The following CTNNA2 variants were observed in gnomAD, a reference collection of about 807,000 sequenced individuals.
The protein encoded by CTNNA2 is catenin alpha 2, also known as catenin alpha-2.
In CTNNA2, 42 loss-of-function variants were observed where a neutral mutation model predicts 101.0. The ratio of observed to expected loss-of-function variants is 0.42; its 90% CI spans 0.32 to 0.54. The LOEUF is 0.54. Among genes scored for constraint, CTNNA2 ranks in the 20% least tolerant of loss-of-function variants. The pLI, the probability that CTNNA2 is intolerant of heterozygous loss-of-function variation, is 0.14. For missense variants in CTNNA2, 871 were observed against 1,223.1 expected (o/e 0.71, Z 4.29); for synonymous variants, 450 against 456.4 (o/e 0.99, Z 0.18).
chr2:80,097,645 A>G (rs1311950634), intron 7 of CTNNA2, among the ~76,000 whole-genome samples: 1 of 152,162 alleles, frequency 6.6e-6, no homozygotes, highest in Admixed American at 6.5e-5. Flanking sequence ...AGGTACACCA[A>G]TCAGATGTAG....
intron 9 of CTNNA2, among the ~76,000 whole-genome samples, chr2:80,432,278 G>A (rs752434890): frequency 2.0e-5 from 3 of 152,094 alleles, no homozygotes; most frequent in Non-Finnish European, 4.4e-5. Context: ...ACATACACAT[G>A]TTCTTTGATC....
intron 11 of CTNNA2, among the ~76,000 whole-genome samples, chr2:80,550,087 T>C (rs1692434468): frequency 6.6e-6 from 1 of 152,218 alleles, no homozygotes; most frequent in Non-Finnish European, 1.5e-5. Context: ...AACGTATTGC[T>C]GGTTCTGTTC....
At chr2:80,293,808 G>A (rs1171934356) in intron 7 of CTNNA2, among the ~76,000 whole-genome samples, 1 of 152,124 alleles carries the variant, frequency 6.6e-6, no homozygotes, top group Non-Finnish European at 1.5e-5. Context: ...GAATATTTTG[G>A]TGTTAGGGGT....
chr2:79,948,633 A>G (rs564569675), intron 7 of CTNNA2, among the ~76,000 whole-genome samples: 2 of 152,366 alleles, frequency 1.3e-5, no homozygotes, highest in Admixed American at 1.3e-4. Context: ...AGGACAGTCC[A>G]TGTCTATTCC....
At chr2:80,332,222 C>A (rs1671400470) in intron 7 of CTNNA2, among the ~76,000 whole-genome samples, 1 of 152,098 alleles carries the variant, frequency 6.6e-6, no homozygotes, top group Non-Finnish European at 1.5e-5. Context: ...TTTCTATGAC[C>A]AGTGTAGAGT....
chr2:80,322,606 C>T (rs560790960), intron 7 of CTNNA2, among the ~76,000 whole-genome samples: 9 of 151,634 alleles, frequency 5.9e-5, no homozygotes, highest in African/African-American at 2.2e-4. Flanking sequence ...AGCCTGGCCC[C>T]GGCGCAGATG....
chr2:79,950,277 T>C (rs1688791313), intron 7 of CTNNA2, among the ~76,000 whole-genome samples: 1 of 152,240 alleles, frequency 6.6e-6, no homozygotes, highest in Admixed American at 6.5e-5. Context: ...TCCCTTTCTG[T>C]AAATTTCATA....
At chr2:79,603,879 C>T (rs747688883) in intron 1 of CTNNA2, among the ~76,000 whole-genome samples, 5 of 152,120 alleles carry the variant, frequency 3.3e-5, no homozygotes, top group Non-Finnish European at 5.9e-5. Flanking sequence ...GGGAGCTGGG[C>T]TTTCTTACTC....
chr2:79,924,916 C>T (rs1028452732), intron 7 of CTNNA2, among the ~76,000 whole-genome samples: 28 of 152,050 alleles, frequency 1.8e-4, no homozygotes, highest in African/African-American at 6.5e-4. Flanking sequence ...CTATAGAAAT[C>T]GGGCATTTAT....
chr2:79,762,667 A>C (rs1266352692), intron 3 of CTNNA2, among the ~76,000 whole-genome samples: 1 of 152,176 alleles, frequency 6.6e-6, no homozygotes, highest in Non-Finnish European at 1.5e-5. Flanking sequence ...ATTCATGTTT[A>C]TATTTCATTT....
chr2:79,666,664 C>A (rs1349318451), intron 2 of CTNNA2, among the ~76,000 whole-genome samples: 1 of 152,126 alleles, frequency 6.6e-6, no homozygotes, highest in Non-Finnish European at 1.5e-5. Context: ...ACTTCAAATT[C>A]TTTTTGCATT....
Position 79,874,070 on chromosome 2 carries a change from A to C in CTNNA2, c.586-6A>C. 6.2e-7 allele frequency: 1 copy of C among 1,613,876 alleles called. No homozygotes were observed. The highest frequency in any genetic ancestry group is 8.5e-7 in the Non-Finnish European group (1 of 1,179,884). ...GTGTGACAGCTTTCATGTGTTACACACACAGGAGCTGAAGGATCCTCACTG... is the reference window on the plus strand; with the variant it reads ...GTGTGACAGCTTTCATGTGTTACACCCACAGGAGCTGAAGGATCCTCACTG... On this transcript the variant is annotated splice_region_variant and splice_polypyrimidine_tract_variant and intron_variant, in intron 5 of 18. Coordinates refer to ENST00000402739, the MANE Select transcript of CTNNA2 (RefSeq NM_001282597.3).
intron 7 of CTNNA2, among the ~76,000 whole-genome samples, chr2:80,015,011 C>G (rs1317226557): frequency 3.9e-5 from 6 of 152,136 alleles, no homozygotes; most frequent in African/African-American, 1.4e-4. Context: ...CCATCCTCAG[C>G]CAAACTGGAC....
At chr2:79,576,355 A>T (rs1055291612) in intron 1 of CTNNA2, among the ~76,000 whole-genome samples, 2 of 152,148 alleles carry the variant, frequency 1.3e-5, no homozygotes, top group Non-Finnish European at 1.5e-5. Flanking sequence ...TCTTGTTTTG[A>T]GTGGTAATTG....
At chr2:80,569,113 A>C (rs1002949009) in intron 12 of CTNNA2, among the ~76,000 whole-genome samples, 4 of 151,982 alleles carry the variant, frequency 2.6e-5, no homozygotes, top group Non-Finnish European at 5.9e-5. Context: ...ATTTAACACA[A>C]CTTCTCATTC....
intron 4 of CTNNA2, among the ~76,000 whole-genome samples, chr2:79,466,569 C>G (rs377530658): frequency 6.6e-5 from 10 of 152,198 alleles, no homozygotes; most frequent in African/African-American, 1.2e-4. Flanking sequence ...TGAGAACGGA[C>G]AGACTGCCTC....
chr2:79,303,105 C>A (rs992746606), intron 2 of CTNNA2, among the ~76,000 whole-genome samples: 16 of 152,090 alleles, frequency 1.1e-4, no homozygotes, highest in African/African-American at 3.6e-4. Flanking sequence ...TTATTATTTT[C>A]AGTTTACAGT....
At chr2:79,363,710 A>G (rs552461698) in intron 3 of CTNNA2, among the ~76,000 whole-genome samples, 90 of 152,300 alleles carry the variant, frequency 5.9e-4, no homozygotes, top group African/African-American at 1.8e-3. Context: ...TTAATGCCCT[A>G]GGGCCAAGGT....
chr2:79,819,216 T>TCGG (rs1677815781), intron 3 of CTNNA2, among the ~76,000 whole-genome samples: 4 of 152,034 alleles, frequency 2.6e-5, no homozygotes, highest in Admixed American at 2.6e-4. Flanking sequence ...CGACCTCAGG[T>TCGG]GATCCGCCTG....
Sources: gnomAD v4.1 joint callset for allele counts (sites outside exome capture counted in the v4.1 genomes callset) on GRCh38, gnomAD v4.1.1 for gene constraint, MANE v1.5 for transcripts, NCBI Gene and HGNC (gene_info 2026-07-23, HGNC 2026-07-21) for gene names.